Variants in CCDC60 observed in about 807,000 individuals in gnomAD.
The protein encoded by CCDC60 is coiled-coil domain-containing protein 60.
Under a neutral mutation model 63.5 loss-of-function variants are expected in CCDC60, and 54 were observed. The ratio of observed to expected loss-of-function variants is 0.85; its 90% CI spans 0.68 to 1.07. CCDC60 has a LOEUF of 1.07. CCDC60 is among the 50% of genes least tolerant of loss of function. The pLI, the probability that CCDC60 is intolerant of heterozygous loss-of-function variation, is 0.00. For synonymous variants in CCDC60, 206 were observed against 238.8 expected, an observed-to-expected ratio of 0.86 and a Z score of 1.27; for missense variants, 651 against 684.3, an observed-to-expected ratio of 0.95 and a Z score of 0.54.
chr12:119,480,217 C>T (rs1951273406), intron 4 of CCDC60, among the ~76,000 whole-genome samples: 1 of 152,204 alleles, frequency 6.6e-6, no homozygotes, highest in Non-Finnish European at 1.5e-5. Flanking sequence ...TCAGTCCTCT[C>T]AGCCTCCCTG....
chr12:119,497,443 G>A (rs1225518400), intron 5 of CCDC60, among the ~76,000 whole-genome samples: 1 of 152,204 alleles, frequency 6.6e-6, no homozygotes, highest in African/African-American at 2.4e-5. Context: ...GTTTGCAAGA[G>A]CAAGGGCTCC....
intron 1 of CCDC60, among the ~76,000 whole-genome samples, chr12:119,396,556 A>G (rs777681337): frequency 3.9e-5 from 6 of 152,134 alleles, no homozygotes; most frequent in Non-Finnish European, 7.4e-5. Flanking sequence ...GGTCATAATG[A>G]CACAGTGAGT....
intron 1 of CCDC60, chr12:119,388,094 G>A (rs1226124789): frequency 1.3e-5 from 2 of 152,216 alleles, no homozygotes; most frequent in Non-Finnish European, 2.9e-5. Flanking sequence ...CCTGGAGCCA[G>A]GTGCTTTCTT....
chr12:119,522,947 C>A lies in CCDC60; in HGVS notation c.1049C>A (p.Ser350Tyr). The part of the protein sequence containing the change: ...MQTTLKSSER[S>Y]SSTSAESHIQ... Reference sequence around the variant, plus strand: ...ATCCTTTTGTGTTTCAGTGAGAGATCCAGCAGTACAAGTGCAGAAAGCCAC... The same window carrying A: ...ATCCTTTTGTGTTTCAGTGAGAGATACAGCAGTACAAGTGCAGAAAGCCAC... Residue 350 changes from serine to tyrosine, a missense_variant, in exon 10 of 14, where the codon TCC (serine) becomes TAC (tyrosine). Ser to Tyr is a moderately radical substitution (Grantham distance 144). Transcript: ENST00000327554. The A allele has an allele frequency of 6.2e-7, 1 of 1,614,052 alleles. No homozygotes were observed. Among genetic ancestry groups the A allele is most frequent in the Non-Finnish European group, 8.5e-7 (1 of 1,179,964 alleles).
chr12:119,470,210 A>T (rs1017114626), intron 2 of CCDC60, among the ~76,000 whole-genome samples: 8 of 152,296 alleles, frequency 5.3e-5, no homozygotes, highest in African/African-American at 1.9e-4. Flanking sequence ...TAGCCTAAAT[A>T]CTACCTCCTC....
intron 2 of CCDC60, among the ~76,000 whole-genome samples, chr12:119,453,076 C>T (rs747504781): frequency 6.6e-6 from 1 of 152,188 alleles, no homozygotes; most frequent in Non-Finnish European, 1.5e-5. Context: ...ATCTGCCCAC[C>T]TCAGCCTCCC....
At chr12:119,519,565 C>A (rs1263139848) in intron 8 of CCDC60, among the ~76,000 whole-genome samples, 2 of 150,642 alleles carry the variant, frequency 1.3e-5, no homozygotes, top group Non-Finnish European at 2.9e-5. Flanking sequence ...CTGGTTCAAG[C>A]GATTCTTCCA....
At chr12:119,381,658 T>A (rs1276046007) in intron 1 of CCDC60, among the ~76,000 whole-genome samples, 1 of 152,122 alleles carries the variant, frequency 6.6e-6, no homozygotes, top group Non-Finnish European at 1.5e-5. Context: ...TTACACCTCA[T>A]GACAACCCCA....
Position 119,410,201 on chromosome 12 carries a change from C to CTGTGTG in CCDC60, c.91-18467_91-18462dup, listed in dbSNP as rs975220282. 1.3e-4 allele frequency among the ~76,000 whole-genome samples: 4 copies of CTGTGTG among 31,774 alleles called. No homozygotes were observed. Among genetic ancestry groups the CTGTGTG allele is most frequent in the African/African-American group, 2.1e-4 (3 of 14,202 alleles). The allele number at this position is 31,774 out of a possible 152,430, so 20.8% of individuals were successfully genotyped here. Reference sequence around the variant, plus strand: ...GGAAAGAGTGTGTGTGTGTGTGTGTCTGTGTGTGTGTGTGTGTGTGGTTTC... The same window carrying CTGTGTG: ...GGAAAGAGTGTGTGTGTGTGTGTGTCTGTGTGTGTGTGTGTGTGTGTGTGTGGTTTC... On this transcript the variant is annotated intron_variant, in intron 1 of 13. Transcript: ENST00000327554. The surrounding 1 kb of genome is among the most constrained non-coding windows in gnomAD (Gnocchi z 4.0).
At chr12:119,500,053 AC>A in intron 5 of CCDC60, 24 bp from the exon 6 acceptor site, 2 of 1,503,698 alleles carry the variant, frequency 1.3e-6, no homozygotes, top group South Asian at 2.3e-5. Flanking sequence ...GAAACGGAAA[AC>A]TCATTAAGCT....
At chr12:119,422,412 G>T (rs915649350) in intron 1 of CCDC60, among the ~76,000 whole-genome samples, 1 of 152,294 alleles carries the variant, frequency 6.6e-6, no homozygotes, top group South Asian at 2.1e-4. Context: ...GGTTTAATTG[G>T]CTCACAGTTT....
At chr12:119,412,324 T>C (rs989691860) in intron 1 of CCDC60, among the ~76,000 whole-genome samples, 7 of 152,284 alleles carry the variant, frequency 4.6e-5, no homozygotes, top group African/African-American at 1.7e-4. Flanking sequence ...CTGTGTTTCT[T>C]TGGACCTTCA....
chr12:119,427,472 G>T (rs1956922549), intron 1 of CCDC60, among the ~76,000 whole-genome samples: 1 of 152,190 alleles, frequency 6.6e-6, no homozygotes, highest in Non-Finnish European at 1.5e-5. Flanking sequence ...CTTCTATTGT[G>T]AGATGTAAAG....
At chr12:119,354,951 C>T (rs772103591) in intron 1 of CCDC60, among the ~76,000 whole-genome samples, 8 of 152,164 alleles carry the variant, frequency 5.3e-5, no homozygotes, top group East Asian at 1.9e-4. Context: ...CATAGAGTAA[C>T]CTTGCAGGGC....
intron 4 of CCDC60, among the ~76,000 whole-genome samples, chr12:119,488,446 C>T (rs916033081): frequency 6.6e-6 from 1 of 152,194 alleles, no homozygotes; most frequent in African/African-American, 2.4e-5. Flanking sequence ...GCTATATATA[C>T]AAATTCTCAG....
intron 5 of CCDC60, among the ~76,000 whole-genome samples, chr12:119,496,658 G>A (rs979064512): frequency 6.6e-6 from 1 of 152,100 alleles, no homozygotes; most frequent in African/African-American, 2.4e-5. Flanking sequence ...TCATCTTCAC[G>A]GCAATCCTTT....
chr12:119,440,385 C>A (rs1566010858), intron 2 of CCDC60, among the ~76,000 whole-genome samples: 1 of 151,882 alleles, frequency 6.6e-6, no homozygotes, highest in Non-Finnish European at 1.5e-5. Flanking sequence ...AAAAAATTAG[C>A]GGGGCATGGT....
intron 2 of CCDC60, among the ~76,000 whole-genome samples, chr12:119,430,773 G>A (rs1043994471): frequency 2.0e-5 from 3 of 152,056 alleles, no homozygotes; most frequent in African/African-American, 7.2e-5. Flanking sequence ...GCTGGCACCT[G>A]CACCTTCAGC....
At chr12:119,362,838 C>G (rs950575411) in intron 1 of CCDC60, among the ~76,000 whole-genome samples, 2 of 152,194 alleles carry the variant, frequency 1.3e-5, no homozygotes, top group Non-Finnish European at 2.9e-5. Flanking sequence ...GTGGCTCAGG[C>G]CTATAATCCC....
Sources: gnomAD v4.1 joint callset for allele counts (sites outside exome capture counted in the v4.1 genomes callset) on GRCh38, gnomAD v4.1.1 for gene constraint, Gnocchi (gnomAD v3.1) non-coding constraint, MANE v1.5 for transcripts, NCBI Gene and HGNC (gene_info 2026-07-23, HGNC 2026-07-21) for gene names.